Variants in CRYBG1 observed in about 807,000 individuals in gnomAD.
CRYBG1 encodes beta/gamma crystallin domain-containing protein 1.
CRYBG1 carries 139 observed loss-of-function variants against 189.2 expected under a neutral mutation model. The ratio of observed to expected loss-of-function variants is 0.73; its 90% CI spans 0.64 to 0.85. CRYBG1 has a LOEUF of 0.85. CRYBG1 is among the 40% of genes least tolerant of loss of function. The probability of loss-of-function intolerance (pLI) is 0.00; values close to 1 mark genes in which losing one functional copy is unlikely to be tolerated. For missense variants in CRYBG1, 2,611 were observed against 2,675.8 expected (o/e 0.98, Z 0.53); for synonymous variants, 1,023 against 1,017.1 (o/e 1.01, Z -0.11).
chr6:106,462,998 T>G (rs2114455539), intron 2 of CRYBG1, among the ~76,000 whole-genome samples: 1 of 152,252 alleles, frequency 6.6e-6, no homozygotes, highest in South Asian at 2.1e-4. Context: ...ACAAAAAAAT[T>G]TTAAAATTAG....
chr6:106,568,350 G>C (rs568072906), intron 21 of CRYBG1, 122 bp from the exon 22 acceptor site: 6 of 735,758 alleles, frequency 8.2e-6, no homozygotes, highest in Non-Finnish European at 1.1e-5. Flanking sequence ...CCTCCTTGAG[G>C]CATGCAGTTC....
rs1333821784 is a variant in CRYBG1, at chr6:106,519,218, G to T, written c.2010G>T (p.Gln670His). The stretch of plus-strand genomic sequence containing the variant: ...GAAATGAGCACAATCCATTTAGCCA[G>T]CCAGTTCACAAAGGCAACACTGCCA... Reference protein sequence around the residue: ...SLGNEHNPFSQPVHKGNTATK... With the variant: ...SLGNEHNPFSHPVHKGNTATK... Residue 670 changes from glutamine to histidine, a missense_variant, in exon 4 of 22, where the codon CAG becomes CAT. Around this residue, in one of 3 missense-constraint regions of CRYBG1, gnomAD observed 985 missense variants for 924.4 expected, o/e 1.07. Coordinates refer to ENST00000633556, the MANE Select transcript of CRYBG1 (RefSeq NM_001371242.2). 2.0e-5 allele frequency: 33 copies of T among 1,613,950 alleles called. No individual in the cohort carries two copies. Among genetic ancestry groups the T allele is most frequent in the Non-Finnish European group, 2.8e-5 (33 of 1,180,036 alleles).
chr6:106,544,316 AACAC>A (rs1274879491), intron 11 of CRYBG1, among the ~76,000 whole-genome samples: 5 of 152,116 alleles, frequency 3.3e-5, no homozygotes, highest in Admixed American at 3.3e-4. Context: ...GCCCTGATTA[AACAC>A]ACACACATAC....
intron 1 of CRYBG1, among the ~76,000 whole-genome samples, chr6:106,369,194 G>A (rs750884642): frequency 6.6e-5 from 10 of 152,174 alleles, no homozygotes; most frequent in Non-Finnish European, 1.2e-4. Context: ...CAGTGTCCCC[G>A]ACCTCTCTCA....
In CRYBG1 at chr6:106,569,266, C is replaced by T. The variant is rs2114608639; in HGVS notation, c.*700C>T. On this transcript the variant is annotated 3_prime_UTR_variant, in exon 22 of 22. Coordinates refer to ENST00000633556, the MANE Select transcript of CRYBG1 (RefSeq NM_001371242.2). Reference sequence around the variant, plus strand: ...TTATTTTTTGAGACAGGATCTCAGGCTGGAGTGCAGTGGCACAATCACGGC... The same window carrying T: ...TTATTTTTTGAGACAGGATCTCAGGTTGGAGTGCAGTGGCACAATCACGGC... 6.6e-6 allele frequency: 1 copy of T among 152,310 alleles called. No homozygotes were observed. The highest frequency in any genetic ancestry group is 2.4e-5 in the African/African-American group (1 of 41,558). The allele number at this position is 152,310 out of a possible 1,614,324, so 9.4% of individuals were successfully genotyped here. A position where few individuals can be genotyped will look rare whatever the true frequency, so the allele number is the denominator to read the frequency against.
chr6:106,448,073 C>T lies in CRYBG1; in HGVS notation c.174-3621C>T, dbSNP rs78506559. Among the ~76,000 whole-genome samples the T allele has an allele frequency of 7.2e-3, 1,101 of 152,272 alleles. 9 individuals are homozygous for T. The highest frequency in any genetic ancestry group is 0.025 in the African/African-American group (1,039 of 41,538). ...GAGGAAGTAGAACATGCTCCTGGGACGGCCTGAGTTTCCGGGGCTGGGCAA... is the reference window on the plus strand; with the variant it reads ...GAGGAAGTAGAACATGCTCCTGGGATGGCCTGAGTTTCCGGGGCTGGGCAA... On this transcript the variant is annotated intron_variant, in intron 1 of 21. Coordinates refer to ENST00000633556, the MANE Select transcript of CRYBG1 (RefSeq NM_001371242.2).
chr6:106,383,140 T>A (rs189622321), intron 1 of CRYBG1, among the ~76,000 whole-genome samples: 25 of 152,304 alleles, frequency 1.6e-4, no homozygotes, highest in African/African-American at 4.1e-4. Flanking sequence ...AAGATTTTTT[T>A]AAAAGTATAT....
chr6:106,544,531 T>A (rs140850370), intron 11 of CRYBG1, 40 bp from the exon 12 acceptor site: 1 of 1,598,028 alleles, frequency 6.3e-7, no homozygotes, highest in African/African-American at 1.4e-5. Flanking sequence ...AATGTTAACA[T>A]GTCTGGAAAT....
intron 2 of CRYBG1, among the ~76,000 whole-genome samples, chr6:106,478,412 T>C (rs1772378040): frequency 6.6e-6 from 1 of 152,194 alleles, no homozygotes; most frequent in Non-Finnish European, 1.5e-5. Context: ...TATAAAATCT[T>C]ATGCTGAAAG....
chr6:106,560,691 T>C (rs1167999365), intron 18 of CRYBG1, 112 bp from the exon 19 acceptor site: 4 of 1,242,840 alleles, frequency 3.2e-6, no homozygotes, highest in Non-Finnish European at 4.3e-6. Flanking sequence ...CCCCAATGTA[T>C]GTTAAAAGTA....
At chr6:106,485,664 C>G (rs1312335110) in intron 2 of CRYBG1, among the ~76,000 whole-genome samples, 3 of 152,148 alleles carry the variant, frequency 2.0e-5, no homozygotes, top group African/African-American at 7.2e-5. Flanking sequence ...CCTTCTATAT[C>G]TAATTTGTTA....
rs10526546 is a variant in CRYBG1 at position 106,422,321 on chromosome 6, GTTAT to G, written c.174-29350_174-29347del. 1.7e-3 allele frequency among the ~76,000 whole-genome samples: 239 copies of G among 142,518 alleles called. 1 individual carries two copies. The highest frequency in any genetic ancestry group is 2.4e-3 in the Non-Finnish European group (157 of 66,178). 93.5% of individuals were successfully genotyped at this position (142,518 alleles called of 152,430 possible). ...CTAATCAAAATCCCAATAGGGTTTTGTTATTTATTTATTTATTTATTTATTTTTG... is the reference window on the plus strand; with the variant it reads ...CTAATCAAAATCCCAATAGGGTTTTGTTATTTATTTATTTATTTATTTTTG... On this transcript the variant is annotated intron_variant, in intron 1 of 21. Coordinates refer to ENST00000633556, the MANE Select transcript of CRYBG1 (RefSeq NM_001371242.2).
chr6:106,471,653 C>A (rs1772234335), intron 2 of CRYBG1, among the ~76,000 whole-genome samples: 1 of 152,060 alleles, frequency 6.6e-6, no homozygotes, highest in African/African-American at 2.4e-5. Flanking sequence ...GCAGCACTAA[C>A]AACAAGGTGA....
chr6:106,475,350 TA>T (rs1772313782), intron 2 of CRYBG1, among the ~76,000 whole-genome samples: 1 of 152,154 alleles, frequency 6.6e-6, no homozygotes, highest in Non-Finnish European at 1.5e-5. Context: ...ACGAAAAAGT[TA>T]AAACAGAACA....
intron 18 of CRYBG1, among the ~76,000 whole-genome samples, chr6:106,559,669 C>T (rs1263319170): frequency 6.6e-6 from 1 of 151,994 alleles, no homozygotes; most frequent in Admixed American, 6.6e-5. Flanking sequence ...CCCTGTAATC[C>T]CAGCTACTCA....
intron 17 of CRYBG1, among the ~76,000 whole-genome samples, chr6:106,557,394 C>T (rs1774573400): frequency 7.5e-6 from 1 of 133,126 alleles, no homozygotes; most frequent in South Asian, 2.6e-4. Context: ...AAATTGTAAT[C>T]CCCACATGCT....
At chr6:106,459,685 T>C (rs6919213) in intron 2 of CRYBG1, among the ~76,000 whole-genome samples, 51,194 of 151,938 alleles carry the variant, frequency 0.34, 8,765 homozygotes, top group African/African-American at 0.37. Context: ...TACCACTCTT[T>C]ATTTGTGAAC....
At chr6:106,519,034 G>A in intron 3 of CRYBG1, 97 bp from the exon 4 acceptor site, 2 of 1,269,214 alleles carry the variant, frequency 1.6e-6, no homozygotes, top group Non-Finnish European at 2.2e-6. Flanking sequence ...ATATATCAGG[G>A]AGATGTTGGC....
rs1362658491 is a variant in CRYBG1, at chr6:106,445,684, A to T, written c.174-6010A>T. ...ACAATTTATCACTCCCATTTTGCAG[A>T]TGAAGAAACTGAGGCTTAAAGAAGT... is the stretch of plus-strand genomic sequence containing the variant. On this transcript the variant is annotated intron_variant, in intron 1 of 21. Transcript: ENST00000633556. Among the ~76,000 whole-genome samples, 3 of 152,228 alleles carry T rather than the reference A, an allele frequency of 2.0e-5. No homozygotes were observed. The East Asian group carries it at 5.8e-4, about 29-fold the overall frequency.
Sources: allele counts gnomAD v4.1 joint callset (sites outside exome capture counted in the v4.1 genomes callset), GRCh38; gene constraint gnomAD v4.1.1; regional missense constraint gnomAD v4.1.1; transcripts MANE v1.5; gene names NCBI Gene and HGNC (gene_info 2026-07-23, HGNC 2026-07-21).